The following KIAA1210 variants were observed in gnomAD, a reference collection of about 807,000 sequenced individuals.
KIAA1210 encodes acrosomal protein KIAA1210.
Under a neutral mutation model 78.9 loss-of-function variants are expected in KIAA1210, and 48 were observed. That is an observed-to-expected ratio of 0.61 (90% CI 0.48 to 0.77). The LOEUF is 0.77. KIAA1210 is among the 30% of genes least tolerant of loss of function. The probability of loss-of-function intolerance (pLI) is 0.00; values close to 1 mark genes in which losing one functional copy is unlikely to be tolerated. For synonymous variants in KIAA1210, 406 were observed against 404.5 expected (o/e 1.00, Z -0.04); for missense variants, 1,108 against 1,100.0 (o/e 1.01, Z -0.10).
At chrX:119,113,176 G>A (rs1025366512) in intron 3 of KIAA1210, among the ~76,000 whole-genome samples, 7 of 111,097 alleles carry the variant, frequency 6.3e-5, no homozygotes, top group African/African-American at 1.6e-4. Flanking sequence ...CCTGGCGGGC[G>A]TTGGGGGAAG....
chrX:119,100,440 A>G (rs1224080024), intron 6 of KIAA1210, among the ~76,000 whole-genome samples: 4 of 110,163 alleles, frequency 3.6e-5, no homozygotes, highest in Non-Finnish European at 7.6e-5. Flanking sequence ...TGAAAGAAAA[A>G]CGAGTGGAGA....
chrX:119,134,067 C>T (rs922679100), intron 2 of KIAA1210, among the ~76,000 whole-genome samples: 1 of 111,058 alleles, frequency 9.0e-6, no homozygotes, highest in East Asian at 2.8e-4. Flanking sequence ...AACATTAGAA[C>T]TGATTCTTTC....
Position 119,147,360 on chromosome X carries a change from T to C in KIAA1210, c.410+113A>G. On this transcript the variant is annotated intron_variant, in intron 2 of 13. Coordinates refer to the KIAA1210 transcript ENST00000402510. Reference sequence around the variant, plus strand: ...ATCTCAAATTGTAACCCACACTGCTTCCAGGGTCATCAGGGAAGTTTTGCA... The same window carrying C: ...ATCTCAAATTGTAACCCACACTGCTCCCAGGGTCATCAGGGAAGTTTTGCA... 4.5e-6 allele frequency: 4 copies of C among 896,333 alleles called. No homozygotes were observed. In the Admixed American group the frequency reaches 8.0e-5, roughly 18 times the overall value. The allele number at this position is 896,333 out of a possible 1,213,427, so 73.9% of individuals were successfully genotyped here. A position where few individuals can be genotyped will look rare whatever the true frequency, so the allele number is the denominator to read the frequency against.
Position 119,113,887 on chromosome X carries a change from A to G in KIAA1210, c.230+2609T>C, listed in dbSNP as rs1038232720. Among the ~76,000 whole-genome samples, 4 of 111,885 alleles carry G rather than the reference A, an allele frequency of 3.6e-5. 1 individual carries two copies. The highest frequency in any genetic ancestry group is 1.3e-4 in the African/African-American group (4 of 30,813). On this transcript the variant is annotated intron_variant, in intron 3 of 11. Transcript: ENST00000691062. Reference sequence around the variant, plus strand: ...ACATACTAAGTGAAACAACCTTTGTATGATTCCACTTACATGAAATATCCA... The same window carrying G: ...ACATACTAAGTGAAACAACCTTTGTGTGATTCCACTTACATGAAATATCCA...
chrX:119,109,189 T>C lies in KIAA1210; in HGVS notation c.244A>G (p.Met82Val), dbSNP rs766078387. Reference protein sequence around the residue: ...QPTKARAKSSMGSKALSHDSI... With the variant: ...QPTKARAKSSVGSKALSHDSI... ...TCATGGGATAGGGCTTTGCTCCCCATGCTGCTCTTGGCCCTGGACAGAAAG... is the reference window on the plus strand; with the variant it reads ...TCATGGGATAGGGCTTTGCTCCCCACGCTGCTCTTGGCCCTGGACAGAAAG... Residue 82 changes from methionine to valine, a missense_variant, in exon 4 of 12, where the codon ATG (methionine) becomes GTG (valine). Around this residue, in one of 5 missense-constraint regions of KIAA1210, gnomAD observed 672 missense variants for 607.1 expected, o/e 1.11. Coordinates refer to ENST00000691062, the MANE Select transcript of KIAA1210 (RefSeq NM_001394962.1). 2 of 1,202,131 alleles carry C rather than the reference T, an allele frequency of 1.7e-6. No homozygotes were observed. The highest frequency in any genetic ancestry group is 2.2e-6 in the Non-Finnish European group (2 of 890,239).
intron 2 of KIAA1210, among the ~76,000 whole-genome samples, chrX:119,147,123 C>T (rs886992885): frequency 1.8e-5 from 2 of 111,017 alleles, no homozygotes; most frequent in Non-Finnish European, 3.8e-5. Flanking sequence ...TTGTTCTCTC[C>T]GTGCAGCTAG....
At chrX:119,142,288 G>A (rs1474650626) in intron 2 of KIAA1210, among the ~76,000 whole-genome samples, 1 of 112,394 alleles carries the variant, frequency 8.9e-6, no homozygotes, top group Non-Finnish European at 1.9e-5. Flanking sequence ...ACAGCTTGGT[G>A]AACTAACTCA....
At chrX:119,129,133 G>A (rs1928725052), upstream of KIAA1210, among the ~76,000 whole-genome samples, 1 of 112,143 alleles carries the variant, frequency 8.9e-6, no homozygotes, top group African/African-American at 3.2e-5. Context: ...CCAGGACCCA[G>A]AATAGTGCCT....
At chrX:119,126,168 T>C (rs1216030753) in intron 1 of KIAA1210, among the ~76,000 whole-genome samples, 3 of 105,466 alleles carry the variant, frequency 2.8e-5, no homozygotes, top group African/African-American at 7.0e-5. Context: ...GCCCATCCTG[T>C]CCTGCTTTCT....
At chrX:119,121,155 A>G (rs1928445283) in intron 2 of KIAA1210, among the ~76,000 whole-genome samples, 1 of 111,536 alleles carries the variant, frequency 9.0e-6, no homozygotes, top group African/African-American at 3.3e-5. Flanking sequence ...GATGGTTGCC[A>G]TATATTCAAG....
chrX:119,123,016 C>G (rs1928515389), intron 2 of KIAA1210, among the ~76,000 whole-genome samples: 1 of 112,254 alleles, frequency 8.9e-6, no homozygotes, highest in Non-Finnish European at 1.9e-5. Context: ...TTATGATTTC[C>G]TTTTTATTGT....
chrX:119,111,268 A>G (rs1156243131), intron 3 of KIAA1210, among the ~76,000 whole-genome samples: 2 of 111,914 alleles, frequency 1.8e-5, no homozygotes, highest in African/African-American at 6.5e-5. Flanking sequence ...CCTTTATCTC[A>G]CAACATATAT....
intron 8 of KIAA1210, among the ~76,000 whole-genome samples, chrX:119,091,780 CT>C (rs1335902049): frequency 8.9e-6 from 1 of 111,957 alleles, no homozygotes; most frequent in Non-Finnish European, 1.9e-5. Context: ...GAAATAATGT[CT>C]TTTGTAGCAA....
intron 3 of KIAA1210, among the ~76,000 whole-genome samples, chrX:119,114,356 T>C (rs1338033952): frequency 1.8e-5 from 2 of 112,171 alleles, no homozygotes; most frequent in Non-Finnish European, 3.8e-5. Context: ...TATAAAACTC[T>C]GCTATCCAGG....
At chrX:119,107,332 G>A (rs1196309525) in intron 5 of KIAA1210, among the ~76,000 whole-genome samples, 2 of 112,455 alleles carry the variant, frequency 1.8e-5, no homozygotes, top group African/African-American at 6.5e-5. Context: ...GAGTCTCTCT[G>A]TTGCTGGGAC....
At chrX:119,146,203 T>C (rs143533979) in intron 2 of KIAA1210, among the ~76,000 whole-genome samples, 2,082 of 111,976 alleles carry the variant, frequency 0.019, 55 homozygotes, top group African/African-American at 0.064. Flanking sequence ...AAAATAAGTA[T>C]ATGAGGTGAT....
At chrX:119,110,759 C>G (rs1206147805) in intron 3 of KIAA1210, among the ~76,000 whole-genome samples, 1 of 111,515 alleles carries the variant, frequency 9.0e-6, no homozygotes, top group Non-Finnish European at 1.9e-5. Flanking sequence ...AACTCATAAT[C>G]TGAAAACTAT....
Position 119,096,669 on chromosome X carries a change from C to A in KIAA1210, c.671G>T (p.Gly224Val), listed in dbSNP as rs1603266571. 1 of 1,204,218 alleles carries A rather than the reference C, an allele frequency of 8.3e-7. No individual in the cohort carries two copies. The highest frequency in any genetic ancestry group is 1.7e-5 in the African/African-American group (1 of 57,494). The change falls in exon 7 of 12, where the codon GGA becomes GTA. Residue 224 changes from glycine to valine, a missense_variant. Gly to Val is a moderately radical substitution (Grantham distance 109). This residue lies in a region of KIAA1210 where 672 missense variants were observed against 607.1 expected (regional missense o/e 1.11). Coordinates refer to ENST00000691062, the MANE Select transcript of KIAA1210 (RefSeq NM_001394962.1). The stretch of plus-strand genomic sequence containing the variant: ...AGTCAAGGACTGTGAGCAATCAGGT[C>A]CAGATGATAACTCAGAGAAGCTCTG... ...ATQSFSELSS[G>V]PDCSQSLTAF...
chrX:119,113,825 A>G (rs1928163279), intron 3 of KIAA1210, among the ~76,000 whole-genome samples: 1 of 112,109 alleles, frequency 8.9e-6, no homozygotes, highest in Non-Finnish European at 1.9e-5. Context: ...GATACATGCT[A>G]CAACATGAAT....
Sources: allele counts gnomAD v4.1 joint callset (sites outside exome capture counted in the v4.1 genomes callset), GRCh38; gene constraint gnomAD v4.1.1; regional missense constraint gnomAD v4.1.1; transcripts MANE v1.5; gene names NCBI Gene and HGNC (gene_info 2026-07-23, HGNC 2026-07-21).